The following SGCD variants were observed in gnomAD, a reference collection of about 807,000 sequenced individuals.
The protein encoded by SGCD is delta-sarcoglycan.
A neutral mutation model predicts 36.6 loss-of-function variants in SGCD; 18 were observed. The observed-to-expected ratio is 0.49, with a 90% CI of 0.34 to 0.73. The LOEUF (loss-of-function observed/expected upper bound fraction) is 0.73. Among genes scored for constraint, SGCD ranks in the 30% least tolerant of loss-of-function variants. SGCD has a pLI of 0.01. For synonymous variants in SGCD, 133 were observed against 130.6 expected (o/e 1.02, Z -0.12); for missense variants, 387 against 346.7 (o/e 1.12, Z -0.92).
At chr5:156,185,850 T>TATATATATATATATAGAGAGAGAGAG in intron 3 of SGCD, among the ~76,000 whole-genome samples, 1 of 49,958 alleles carries the variant, frequency 2.0e-5, no homozygotes, top group African/African-American at 7.1e-5. Flanking sequence ...TATATATATA[T>TATATATATATATATAGAGAGAGAGAG]AGAGAGAGAG....
rs558876350 is a variant in SGCD, at chr5:156,256,977, A to C, written c.-43-72557A>C. ...GGTGATCACTTGAGCTCAGGAGTTG[A>C]AGACCAACCTGGGCAACATAACGAG... On this transcript the variant is annotated intron_variant, in intron 3 of 9. Transcript: ENST00000517913. Among the ~76,000 whole-genome samples the C allele has an allele frequency of 1.3e-3, 202 of 152,110 alleles. 1 individual carries two copies. The highest frequency in any genetic ancestry group is 4.8e-3 in the African/African-American group (199 of 41,498).
At position 156,464,864 on chromosome 5, in the gene SGCD, C is replaced by T. The variant is rs543033656; in HGVS notation, c.193-43737C>T. 1.1e-4 allele frequency among the ~76,000 whole-genome samples: 16 copies of T among 152,194 alleles called. 1 individual carries two copies. The highest frequency in any genetic ancestry group is 3.9e-4 in the African/African-American group (16 of 41,538). On this transcript the variant is annotated intron_variant, in intron 3 of 8. Transcript: ENST00000337851. ...TTGTAGCCCCCAAATAATTGAAAGG[C>T]TTTTATATTGCTATTGATTTTTTTA...
rs545740863 is a variant in SGCD, at chr5:156,304,548, C to T, written c.-43-24986C>T. ...AAACCTTTTTGTTTTGTAAATTGCC[C>T]AGTCTCAGGTATGTCTTTATCAGCA... On this transcript the variant is annotated intron_variant, in intron 3 of 9. Coordinates refer to the SGCD transcript ENST00000517913. 2.6e-5 allele frequency among the ~76,000 whole-genome samples: 4 copies of T among 152,244 alleles called. No homozygotes were observed. The South Asian group carries it at 8.3e-4, about 32-fold the overall frequency.
intron 1 of SGCD, among the ~76,000 whole-genome samples, chr5:156,117,710 G>A (rs1245141743): frequency 2.0e-5 from 3 of 152,132 alleles, no homozygotes; most frequent in African/African-American, 4.8e-5. Flanking sequence ...CATGCCCAAG[G>A]ACACAACTTG....
At chr5:156,251,596 C>G (rs1765579435) in intron 3 of SGCD, among the ~76,000 whole-genome samples, 1 of 151,840 alleles carries the variant, frequency 6.6e-6, no homozygotes, top group Admixed American at 6.6e-5. Context: ...CTCACTGCAA[C>G]CTCTGCCTCT....
chr5:155,988,181 G>T (rs933095174), intron 1 of SGCD, among the ~76,000 whole-genome samples: 10 of 152,108 alleles, frequency 6.6e-5, no homozygotes, highest in African/African-American at 2.4e-4. Context: ...CATCTCTGCA[G>T]TTCCTTTTTT....
intron 3 of SGCD, among the ~76,000 whole-genome samples, chr5:156,470,918 T>C (rs753242159): frequency 2.6e-5 from 4 of 152,208 alleles, no homozygotes; most frequent in African/African-American, 7.2e-5. Flanking sequence ...TACAGAAGTA[T>C]AAAAGCTAGG....
At chr5:156,289,092 A>G (rs1452852092) in intron 3 of SGCD, among the ~76,000 whole-genome samples, 2 of 152,074 alleles carry the variant, frequency 1.3e-5, no homozygotes, top group African/African-American at 2.4e-5. Flanking sequence ...ACAGAAGATT[A>G]GTCCTATAAA....
At chr5:156,613,235 A>T (rs1003813012) in intron 6 of SGCD, among the ~76,000 whole-genome samples, 6 of 152,356 alleles carry the variant, frequency 3.9e-5, no homozygotes, top group South Asian at 4.1e-4. Context: ...AACTCTAGTC[A>T]GCCATCTTGC....
chr5:156,148,398 T>G (rs1320567939), intron 3 of SGCD, among the ~76,000 whole-genome samples: 2 of 152,008 alleles, frequency 1.3e-5, no homozygotes, highest in African/African-American at 2.4e-5. Flanking sequence ...AAAAGTTGAG[T>G]GGTCCTGGCA....
At chr5:156,387,132 G>A (rs982208717) in intron 3 of SGCD, among the ~76,000 whole-genome samples, 1 of 152,176 alleles carries the variant, frequency 6.6e-6, no homozygotes, top group African/African-American at 2.4e-5. Flanking sequence ...TTCATGCTTA[G>A]TAATAAATGG....
chr5:156,374,573 A>G (rs1235984608), intron 3 of SGCD, among the ~76,000 whole-genome samples: 1 of 152,178 alleles, frequency 6.6e-6, no homozygotes, highest in Non-Finnish European at 1.5e-5. Flanking sequence ...ATTTTTGCTA[A>G]AAAACAAAGC....
intron 1 of SGCD, among the ~76,000 whole-genome samples, chr5:155,983,116 A>C (rs1758261746): frequency 6.6e-6 from 1 of 152,216 alleles, no homozygotes; most frequent in Non-Finnish European, 1.5e-5. Context: ...TCAGGTTTGC[A>C]CAGGGAATAT....
intron 3 of SGCD, among the ~76,000 whole-genome samples, chr5:156,306,655 A>C (rs1468662237): frequency 1.3e-5 from 2 of 152,190 alleles, no homozygotes; most frequent in African/African-American, 4.8e-5. Context: ...ATTCAAGACT[A>C]TCTTTTATAC....
intron 1 of SGCD, among the ~76,000 whole-genome samples, chr5:155,946,218 G>A (rs1297116204): frequency 1.3e-5 from 2 of 152,108 alleles, no homozygotes; most frequent in Non-Finnish European, 2.9e-5. Context: ...TTGAGTCATA[G>A]GCAATGTGTT....
At chr5:155,829,975 C>A in the SGCD span, among the ~76,000 whole-genome samples, 2,011 of 152,186 alleles carry the variant, frequency 0.013, 55 homozygotes, top group African/African-American at 0.045. Context: ...ATACAAATAA[C>A]CAAAGTAACA....
chr5:156,422,741 C>T (rs1028660904), intron 3 of SGCD, among the ~76,000 whole-genome samples: 5 of 152,022 alleles, frequency 3.3e-5, no homozygotes, highest in African/African-American at 1.2e-4. Context: ...ACATCTGTAA[C>T]CTCTGTCCTG....
At chr5:156,539,080 C>CA (rs1031456267) in intron 4 of SGCD, among the ~76,000 whole-genome samples, 44 of 151,700 alleles carry the variant, frequency 2.9e-4, no homozygotes, top group African/African-American at 8.7e-4. Flanking sequence ...AAAATCAGGA[C>CA]AAAAAAACAC....
chr5:156,514,297 A>T (rs534555882), intron 4 of SGCD, among the ~76,000 whole-genome samples: 119 of 152,210 alleles, frequency 7.8e-4, no homozygotes, highest in Non-Finnish European at 1.1e-3. Flanking sequence ...TGAACTAGCA[A>T]AGGAAAGGAA....
Sources: allele counts gnomAD v4.1 joint callset (sites outside exome capture counted in the v4.1 genomes callset), GRCh38; gene constraint gnomAD v4.1.1; transcripts MANE v1.5; gene names NCBI Gene and HGNC (gene_info 2026-07-23, HGNC 2026-07-21).